Variants in PCDHGA8 observed in about 807,000 individuals in gnomAD.
PCDHGA8 encodes protocadherin gamma-A8.
Under a neutral mutation model 59.2 loss-of-function variants are expected in PCDHGA8, and 45 were observed. That is an observed-to-expected ratio of 0.76 (90% CI 0.60 to 0.98). The LOEUF is 0.98. Among genes scored for constraint, PCDHGA8 ranks in the 50% least tolerant of loss-of-function variants. PCDHGA8 has a pLI of 0.00. For missense variants in PCDHGA8, 1,257 were observed against 1,196.2 expected (o/e 1.05, Z -0.75); for synonymous variants, 531 against 519.0 (o/e 1.02, Z -0.32).
intron 1 of PCDHGA8, chr5:141,424,411 C>T (rs1259102577): frequency 6.6e-6 from 1 of 152,154 alleles, no homozygotes; most frequent in Admixed American, 6.5e-5. Flanking sequence ...GGTGAAGTTA[C>T]ATTGACTGTT....
At chr5:141,419,570 G>A (rs751047365) in intron 1 of PCDHGA8, 3 of 1,611,764 alleles carry the variant, frequency 1.9e-6, no homozygotes, top group Non-Finnish European at 2.5e-6. Flanking sequence ...GGGTCCCGAC[G>A]GCTCCGCGCT....
At position 141,490,207 on chromosome 5, in the gene PCDHGA8, C is replaced by G. The variant is rs142098675; in HGVS notation, c.2425-4600C>G. ...TTTCTATGAAATTCATGCAAGAGCC[C>G]GTGACCAGGGACAGCCTGCCATGGA... On this transcript the variant is annotated intron_variant, in intron 1 of 3. Coordinates refer to ENST00000398604, the MANE Select transcript of PCDHGA8 (RefSeq NM_032088.2). This position sits in a 1 kb window ranked among gnomAD's most constrained non-coding sequence, Gnocchi z 5.4. 2.9e-4 allele frequency: 470 copies of G among 1,614,056 alleles called. 1 individual carries two copies. Among genetic ancestry groups the G allele is most frequent in the Non-Finnish European group, 3.7e-4 (439 of 1,180,030 alleles).
intron 1 of PCDHGA8, among the ~76,000 whole-genome samples, chr5:141,449,869 T>G (rs1003364964): frequency 6.6e-6 from 1 of 151,924 alleles, no homozygotes; most frequent in African/African-American, 2.4e-5. Flanking sequence ...ATCAGAAAAT[T>G]TAACATCAAT....
Position 141,432,668 on chromosome 5 carries a change from G to C in PCDHGA8, c.2424+37431G>C, listed in dbSNP as rs1202414814. 2.5e-6 allele frequency: 4 copies of C among 1,613,742 alleles called. No individual in the cohort carries two copies. The highest frequency in any genetic ancestry group is 2.2e-5 in the South Asian group (2 of 91,068). On this transcript the variant is annotated intron_variant, in intron 1 of 3. Coordinates refer to ENST00000398604, the MANE Select transcript of PCDHGA8 (RefSeq NM_032088.2). This position sits in a 1 kb window ranked among gnomAD's most constrained non-coding sequence, Gnocchi z 6.0. The stretch of plus-strand genomic sequence containing the variant: ...GGCGCGAGCCCTGCTGGACAGAGAC[G>C]CGCTCAAGCAGAGCCTCGTAGTGGC...
Position 141,393,590 on chromosome 5 carries a change from G to A in PCDHGA8, c.777G>A (p.Thr259=). ...TCCTTGAGAACATGCCCCCAGGCAC[G>A]CGGCTGCTTACTGTAACAGCCAGCG... ...VKVLENMPPG[T]RLLTVTASDP... The change falls in exon 1 of 4, where the codon ACG becomes ACA. Residue 259 remains threonine, a synonymous_variant. Transcript: ENST00000398604. 1.2e-6 allele frequency: 2 copies of A among 1,613,896 alleles called. No individual in the cohort carries two copies. The highest frequency in any genetic ancestry group is 2.2e-5 in the South Asian group (2 of 91,086).
At chr5:141,409,866 G>T in intron 1 of PCDHGA8, 1 of 1,612,376 alleles carries the variant, frequency 6.2e-7, no homozygotes, top group Non-Finnish European at 8.5e-7. Context: ...GTGGGAGACC[G>T]CAATGACAAC....
intron 2 of PCDHGA8, among the ~76,000 whole-genome samples, chr5:141,497,879 G>T (rs62379207): frequency 2.0e-5 from 3 of 152,128 alleles, no homozygotes; most frequent in Admixed American, 6.5e-5. Flanking sequence ...TGAAATAAGC[G>T]TTAGGATCTA....
chr5:141,431,318 G>C lies in PCDHGA8; in HGVS notation c.2424+36081G>C. 1 of 1,614,086 alleles carries C rather than the reference G, an allele frequency of 6.2e-7. No homozygotes were observed. Among genetic ancestry groups the C allele is most frequent in the African/African-American group, 1.3e-5 (1 of 75,050 alleles). On this transcript the variant is annotated intron_variant, in intron 1 of 3. Transcript: ENST00000398604. The surrounding 1 kb of genome is among the most constrained non-coding windows in gnomAD (Gnocchi z 4.8). ...CTCCCTCATCGTGCAAAATGGAGCC[G>C]ACGGTAGTAAGTACCCCGAATTGGT...
chr5:141,486,166 G>A lies in PCDHGA8; in HGVS notation c.2425-8641G>A. ...GCGATGGGGGTTCTCCAGCCATGGA[G>A]CAACATTGCAGCCTTCGAGTGGATC... On this transcript the variant is annotated intron_variant, in intron 1 of 3. Coordinates refer to ENST00000398604, the MANE Select transcript of PCDHGA8 (RefSeq NM_032088.2). The surrounding 1 kb of genome is among the most constrained non-coding windows in gnomAD (Gnocchi z 5.0). The A allele has an allele frequency of 2.5e-6, 4 of 1,614,224 alleles. No individual in the cohort carries two copies. The highest frequency in any genetic ancestry group is 3.4e-6 in the Non-Finnish European group (4 of 1,180,040).
intron 1 of PCDHGA8, chr5:141,399,539 G>A (rs1324095299): frequency 1.2e-6 from 2 of 1,614,050 alleles, no homozygotes; most frequent in Non-Finnish European, 1.7e-6. Flanking sequence ...GCGCAAGTCT[G>A]CGCCTCGGAC....
At chr5:141,405,448 C>G in intron 1 of PCDHGA8, 1 of 1,314,742 alleles carries the variant, frequency 7.6e-7, no homozygotes, top group Non-Finnish European at 1.1e-6. Context: ...GAGACAGAGT[C>G]TTACTCTGTT....
At chr5:141,421,578 T>C in intron 1 of PCDHGA8, 4 of 1,613,886 alleles carry the variant, frequency 2.5e-6, no homozygotes, top group Non-Finnish European at 3.4e-6. Flanking sequence ...CCTTGAAGAT[T>C]TACGGAGTGG....
intron 1 of PCDHGA8, chr5:141,433,358 CCTATCTATCTATCTAT>C (rs3074541): frequency 2.0e-4 from 99 of 504,042 alleles, no homozygotes; most frequent in East Asian, 3.1e-4. Flanking sequence ...CTACTGTCTG[CCTATCTATCTATCTAT>C]CTATCTATCT....
chr5:141,510,837 GTCAAGGCCCAGGGTGC>G, intron 3 of PCDHGA8, 94 bp from the exon 4 acceptor site: 1 of 1,586,392 alleles, frequency 6.3e-7, no homozygotes, highest in Non-Finnish European at 8.6e-7. Flanking sequence ...GCTCAGCGTG[GTCAAGGCCCAGGGTGC>G]TGTATAGGCA....
At chr5:141,480,298 C>G (rs1238380283) in intron 1 of PCDHGA8, among the ~76,000 whole-genome samples, 1 of 132,676 alleles carries the variant, frequency 7.5e-6, no homozygotes, top group Non-Finnish European at 1.6e-5. Flanking sequence ...ACCTGTGGTA[C>G]CAGCTACTTG....
At chr5:141,409,021 C>T in intron 1 of PCDHGA8, 4 of 1,613,972 alleles carry the variant, frequency 2.5e-6, no homozygotes, top group Non-Finnish European at 3.4e-6. Context: ...ATGAGGGGGT[C>T]AATGCTGAGA....
chr5:141,461,830 CT>C (rs1030113508), intron 1 of PCDHGA8, among the ~76,000 whole-genome samples: 30 of 145,198 alleles, frequency 2.1e-4, no homozygotes, highest in Non-Finnish European at 2.4e-4. Flanking sequence ...ATTTTTTTTT[CT>C]TTTTTTTTTG....
intron 1 of PCDHGA8, among the ~76,000 whole-genome samples, chr5:141,459,035 A>T (rs1404092581): frequency 6.6e-6 from 1 of 152,218 alleles, no homozygotes; most frequent in Non-Finnish European, 1.5e-5. Context: ...ATCCAGCCTT[A>T]CCAGCTATAT....
rs1446259630 is a variant in PCDHGA8, at chr5:141,394,486, A to G, written c.1673A>G (p.Asn558Ser). 1.2e-6 allele frequency: 2 copies of G among 1,613,980 alleles called. No individual in the cohort carries two copies. The highest frequency in any genetic ancestry group is 8.5e-7 in the Non-Finnish European group (1 of 1,180,020). ...LSLFVLDQND[N>S]APEILYPALP... ...CTGTTCGTGCTGGACCAGAATGACAACGCGCCCGAGATCCTGTACCCCGCC... is the reference window on the plus strand; with the variant it reads ...CTGTTCGTGCTGGACCAGAATGACAGCGCGCCCGAGATCCTGTACCCCGCC... Residue 558 changes from asparagine (N) to serine (S), a missense_variant, in exon 1 of 4, where the codon AAC becomes AGC. By Grantham distance (46) the Asn-to-Ser change is conservative. Coordinates refer to ENST00000398604, the MANE Select transcript of PCDHGA8 (RefSeq NM_032088.2).
Sources: allele counts gnomAD v4.1 joint callset (sites outside exome capture counted in the v4.1 genomes callset), GRCh38; gene constraint gnomAD v4.1.1; non-coding constraint Gnocchi (gnomAD v3.1); transcripts MANE v1.5; gene names NCBI Gene and HGNC (gene_info 2026-07-23, HGNC 2026-07-21).